Variants in XIRP2 observed in about 807,000 individuals in gnomAD.
The protein encoded by XIRP2 is xin actin binding repeat containing 2.
Under a neutral mutation model 277.0 loss-of-function variants are expected in XIRP2, and 236 were observed. The ratio of observed to expected loss-of-function variants is 0.85; its 90% CI spans 0.77 to 0.95. XIRP2 has a LOEUF of 0.95. XIRP2 is among the 40% of genes least tolerant of loss of function. The pLI is 0.00. For synonymous variants in XIRP2, 1,490 were observed against 1,416.5 expected (o/e 1.05, Z -1.17); for missense variants, 4,640 against 4,157.5 (o/e 1.12, Z -3.19).
intron 3 of XIRP2, among the ~76,000 whole-genome samples, chr2:167,167,117 C>A (rs1384194967): frequency 6.6e-6 from 1 of 152,144 alleles, no homozygotes; most frequent in Non-Finnish European, 1.5e-5. Flanking sequence ...ACCTTGCTGT[C>A]AAGTTTGCTC....
At chr2:167,192,266 CAATG>C (rs1693366211) in intron 3 of XIRP2, among the ~76,000 whole-genome samples, 1 of 152,024 alleles carries the variant, frequency 6.6e-6, no homozygotes, top group African/African-American at 2.4e-5. Context: ...TTTTTTAAAA[CAATG>C]AACATTAAAT....
intron 3 of XIRP2, among the ~76,000 whole-genome samples, chr2:167,200,424 A>C (rs879945172): frequency 1.3e-5 from 2 of 152,216 alleles, no homozygotes; most frequent in Non-Finnish European, 2.9e-5. Context: ...GGAAAAAAAC[A>C]TGAGGAACCA....
At chr2:167,043,279 AAAACAAGAGC>A (rs1373908015) in intron 2 of XIRP2, among the ~76,000 whole-genome samples, 1 of 152,136 alleles carries the variant, frequency 6.6e-6, no homozygotes, top group Non-Finnish European at 1.5e-5. Flanking sequence ...AAGAACTAGG[AAAACAAGAGC>A]AAACCATCTC....
intron 2 of XIRP2, among the ~76,000 whole-genome samples, chr2:166,980,423 T>G (rs1274391326): frequency 3.3e-5 from 5 of 152,186 alleles, no homozygotes; most frequent in South Asian, 2.1e-4. Flanking sequence ...ATAGTATTTT[T>G]TTTTGTTTTG....
chr2:167,247,036 T>C lies in XIRP2; in HGVS notation c.5644T>C (p.Trp1882Arg). The change falls in exon 9 of 11, where the codon TGG becomes CGG. Residue 1882 changes from tryptophan to arginine, a missense_variant. By Grantham distance (101) the Trp-to-Arg change is moderately radical (BLOSUM62 -3). Coordinates refer to ENST00000409195, the MANE Select transcript of XIRP2 (RefSeq NM_152381.6). ...LKSLKESSHR[W>R]KESKQPDAIP... ...GTCACTTAAAGAATCAAGCCATCGATGGAAAGAATCTAAACAGCCTGATGC... is the reference window on the plus strand; with the variant it reads ...GTCACTTAAAGAATCAAGCCATCGACGGAAAGAATCTAAACAGCCTGATGC... 6.2e-7 allele frequency: 1 copy of C among 1,613,392 alleles called. No individual in the cohort carries two copies. Among genetic ancestry groups the C allele is most frequent in the Non-Finnish European group, 8.5e-7 (1 of 1,179,714 alleles).
intron 2 of XIRP2, among the ~76,000 whole-genome samples, chr2:166,951,473 G>T (rs142561078): frequency 1.3e-3 from 199 of 151,950 alleles, no homozygotes; most frequent in Non-Finnish European, 1.9e-3. Context: ...TAAGGCAGAG[G>T]TTGCAGTGAG....
intron 2 of XIRP2, among the ~76,000 whole-genome samples, chr2:167,049,690 C>T (rs1688870789): frequency 6.6e-6 from 1 of 151,934 alleles, no homozygotes; most frequent in African/African-American, 2.4e-5. Context: ...TTTGAATTAA[C>T]TTTTGTCTTT....
intron 2 of XIRP2, among the ~76,000 whole-genome samples, chr2:167,081,756 G>T (rs373201381): frequency 6.6e-6 from 1 of 152,086 alleles, no homozygotes; most frequent in Admixed American, 6.6e-5. Context: ...TAGCACACAA[G>T]AAGGTGTAAT....
At chr2:166,934,372 C>A (rs550957641) in intron 2 of XIRP2, among the ~76,000 whole-genome samples, 1 of 152,036 alleles carries the variant, frequency 6.6e-6, no homozygotes, top group Non-Finnish European at 1.5e-5. Context: ...AGTCCTTCAG[C>A]TGCAAGAAAG....
Position 167,250,498 on chromosome 2 carries a change from T to TC in XIRP2, c.9108dup (p.Ser3037LeufsTer9). The TC allele has an allele frequency of 6.2e-7, 1 of 1,613,512 alleles. No homozygotes were observed. The highest frequency in any genetic ancestry group is 1.3e-5 in the African/African-American group (1 of 74,924). On this transcript the variant is annotated frameshift_variant, in exon 9 of 11. Coordinates refer to ENST00000409195, the MANE Select transcript of XIRP2 (RefSeq NM_152381.6). LOFTEE classifies it high-confidence loss of function. ...AAATATAATTCAGACAGCCATGATGTCCTCCAAAACAGGAAAACCGGGAAA... is the reference window on the plus strand; with the variant it reads ...AAATATAATTCAGACAGCCATGATGTCCCTCCAAAACAGGAAAACCGGGAAA...
chr2:166,984,618 C>T (rs1471744133), intron 2 of XIRP2, among the ~76,000 whole-genome samples: 1 of 151,996 alleles, frequency 6.6e-6, no homozygotes, highest in Non-Finnish European at 1.5e-5. Flanking sequence ...GCATCAGAAA[C>T]ATGTTTTAGA....
chr2:167,023,612 C>G (rs1688052795), intron 2 of XIRP2, among the ~76,000 whole-genome samples: 1 of 152,078 alleles, frequency 6.6e-6, no homozygotes. Context: ...GTCTTTAATC[C>G]ATCTTGAATT....
At chr2:167,034,345 T>A (rs1688450428) in intron 2 of XIRP2, among the ~76,000 whole-genome samples, 1 of 150,712 alleles carries the variant, frequency 6.6e-6, no homozygotes, top group Admixed American at 6.6e-5. Context: ...CCAGAAAAAA[T>A]TACCTTTTCA....
At position 167,251,894 on chromosome 2, in the gene XIRP2, C is replaced by T. The variant is rs1438645194; in HGVS notation, c.10502C>T (p.Ala3501Val). Residue 3501 changes from alanine (A) to valine (V), a missense_variant, in exon 9 of 11, where the codon GCT (alanine) becomes GTT (valine). Transcript: ENST00000409195. ...FKGLGYATAD[A>V]SATEMRTTFQ... ...GGCCTGGGATATGCAACCGCAGATG[C>T]TTCTGCAACTGAGATGAGAACCACC... The T allele has an allele frequency of 1.9e-6, 3 of 1,595,128 alleles. No homozygotes were observed. Among genetic ancestry groups the T allele is most frequent in the Non-Finnish European group, 8.5e-7 (1 of 1,173,050 alleles).
At chr2:167,162,189 T>A (rs540333960) in intron 3 of XIRP2, among the ~76,000 whole-genome samples, 9 of 152,208 alleles carry the variant, frequency 5.9e-5, no homozygotes, top group Non-Finnish European at 1.0e-4. Flanking sequence ...TCTCACATTT[T>A]CCTGTCTTCT....
At chr2:167,021,165 C>T (rs1300906653) in intron 2 of XIRP2, among the ~76,000 whole-genome samples, 1 of 151,988 alleles carries the variant, frequency 6.6e-6, no homozygotes, top group African/African-American at 2.4e-5. Flanking sequence ...ATTTTGGCAC[C>T]TATCCTTCTA....
intron 2 of XIRP2, among the ~76,000 whole-genome samples, chr2:167,083,576 C>A (rs763825840): frequency 1.8e-4 from 28 of 152,136 alleles, no homozygotes; most frequent in Admixed American, 3.3e-4. Flanking sequence ...CTACCCATGG[C>A]CATGGAATGT....
At chr2:167,125,151 CTCTA>C (rs752277093) in intron 2 of XIRP2, among the ~76,000 whole-genome samples, 1 of 152,118 alleles carries the variant, frequency 6.6e-6, no homozygotes, top group Non-Finnish European at 1.5e-5. Flanking sequence ...ATTATAATTT[CTCTA>C]TCTAGTTATT....
chr2:166,900,887 C>A (rs1251770205), intron 1 of XIRP2, among the ~76,000 whole-genome samples: 1 of 152,130 alleles, frequency 6.6e-6, no homozygotes, highest in African/African-American at 2.4e-5. Flanking sequence ...AGTACAGGAT[C>A]TTCACATGGC....
Sources: allele counts gnomAD v4.1 joint callset (sites outside exome capture counted in the v4.1 genomes callset), GRCh38; gene constraint gnomAD v4.1.1; transcripts MANE v1.5; gene names NCBI Gene and HGNC (gene_info 2026-07-23, HGNC 2026-07-21).